CDC16: variants seen among roughly 807,000 people sequenced by gnomAD.
CDC16 encodes the protein cell division cycle 16.
CDC16 carries 34 observed loss-of-function variants against 87.0 expected under a neutral mutation model. The ratio of observed to expected loss-of-function variants is 0.39; its 90% CI spans 0.30 to 0.52. The LOEUF (loss-of-function observed/expected upper bound fraction) is 0.52. Among genes scored for constraint, CDC16 ranks in the 20% least tolerant of loss-of-function variants. The probability of loss-of-function intolerance (pLI) is 0.74; values close to 1 mark genes in which losing one functional copy is unlikely to be tolerated. For missense variants in CDC16, 653 were observed against 751.9 expected (o/e 0.87, Z 1.54); for synonymous variants, 263 against 260.6 (o/e 1.01, Z -0.09).
At chr13:114,262,312 A>G (rs893209846) in intron 15 of CDC16, among the ~76,000 whole-genome samples, 1 of 152,204 alleles carries the variant, frequency 6.6e-6, no homozygotes, top group African/African-American at 2.4e-5. Flanking sequence ...TGTCTGGGCA[A>G]TTTTAGGTTA....
chr13:114,234,939 C>CCTGCGGCCTTCGAGT lies in CDC16; in HGVS notation c.-144_-130dup. On this transcript the variant is annotated 5_prime_UTR_variant, in exon 1 of 18. Coordinates refer to ENST00000356221, the MANE Select transcript of CDC16 (RefSeq NM_001078645.3). ...TGGGGGGTGCGGGTGTGGGTGGGGA[C>CCTGCGGCCTTCGAGT]CTGCGGCCTTCGAGTCCGCGGCCTT... The CCTGCGGCCTTCGAGT allele has an allele frequency of 2.1e-6, 1 of 471,354 alleles. No individual in the cohort carries two copies. Among genetic ancestry groups the CCTGCGGCCTTCGAGT allele is most frequent in the Non-Finnish European group, 3.4e-6 (1 of 294,214 alleles). The allele number at this position is 471,354 out of a possible 1,614,324, so 29.2% of individuals were successfully genotyped here.
rs1353591166 is a variant in CDC16 at position 114,234,914 on chromosome 13, TG to T, written c.-165del. The T allele has an allele frequency of 9.6e-6, 3 of 311,184 alleles. No individual in the cohort carries two copies. Among genetic ancestry groups the T allele is most frequent in the African/African-American group, 8.1e-5 (2 of 24,718 alleles). 19.3% of individuals were successfully genotyped at this position (311,184 alleles called of 1,614,324 possible). Reference sequence around the variant, plus strand: ...GCCTGGGCAGTGCACGGGGCCTGGGTGGGGGGTGCGGGTGTGGGTGGGGACC... The same window carrying T: ...GCCTGGGCAGTGCACGGGGCCTGGGTGGGGGTGCGGGTGTGGGTGGGGACC... On this transcript the variant is annotated 5_prime_UTR_variant, in exon 1 of 18. Coordinates refer to ENST00000356221, the MANE Select transcript of CDC16 (RefSeq NM_001078645.3).
In CDC16 at chr13:114,235,569, A is replaced by G. The variant is rs556076405; in HGVS notation, c.48+437A>G. Among the ~76,000 whole-genome samples, 3 of 152,374 alleles carry G rather than the reference A, an allele frequency of 2.0e-5. No homozygotes were observed. In the East Asian group the frequency reaches 5.8e-4, roughly 29 times the overall value. On this transcript the variant is annotated intron_variant, in intron 1 of 17. Coordinates refer to ENST00000356221, the MANE Select transcript of CDC16 (RefSeq NM_001078645.3). ...AAGAAGCCTGTTGTCTCAAATCAAT[A>G]CTTTAAAAATTCTCGTTAACTATGT...
chr13:114,259,100 A>C (rs909072172), intron 13 of CDC16, among the ~76,000 whole-genome samples: 1 of 148,978 alleles, frequency 6.7e-6, no homozygotes, highest in Admixed American at 6.6e-5. Flanking sequence ...CTCTTAAAAA[A>C]AAAAAAAAAA....
chr13:114,240,067 A>C (rs1318335028), intron 5 of CDC16, among the ~76,000 whole-genome samples: 1 of 152,124 alleles, frequency 6.6e-6, no homozygotes, highest in Non-Finnish European at 1.5e-5. Context: ...CAGTTCCCCC[A>C]TTTAAACTGT....
chr13:114,265,056 C>T (rs2083112518), intron 16 of CDC16, 94 bp from the exon 17 acceptor site: 2 of 925,006 alleles, frequency 2.2e-6, no homozygotes, highest in Non-Finnish European at 3.6e-6. Context: ...ACTTCCCCCA[C>T]CCTGGATGCC....
chr13:114,272,138 G>A (rs2274638), intron 17 of CDC16, 46 bp from the exon 18 acceptor site: 390,641 of 1,080,874 alleles, frequency 0.36, 78,991 homozygotes, highest in African/African-American at 0.75. Context: ...GAAATGATAA[G>A]TGATGGAATT....
chr13:114,265,249 A>G lies in CDC16; in HGVS notation c.1603+9A>G, dbSNP rs1483938324. ...TTCTGAAGCTTATATTGGTAAGATA[A>G]TCGTTATTCTTATTGGTATTGTACT... On this transcript the variant is annotated intron_variant, in intron 17 of 17. Coordinates refer to ENST00000356221, the MANE Select transcript of CDC16 (RefSeq NM_001078645.3). 7 of 1,533,626 alleles carry G rather than the reference A, an allele frequency of 4.6e-6. No individual in the cohort carries two copies. Among genetic ancestry groups the G allele is most frequent in the Admixed American group, 3.3e-5 (2 of 59,880 alleles).
rs746050870 is a variant in CDC16, at chr13:114,242,145, C to T, written c.406C>T (p.Arg136Cys). The T allele has an allele frequency of 3.7e-6, 6 of 1,611,074 alleles. No individual in the cohort carries two copies. Among genetic ancestry groups the T allele is most frequent in the South Asian group, 1.1e-5 (1 of 90,162 alleles). Residue 136 changes from arginine (R) to cysteine (C), a missense_variant, in exon 6 of 18, where the codon CGC (arginine) becomes TGC (cysteine). Transcript: ENST00000356221. ...GATAAAGAGTTCTATCTGTCTTCTA[C>T]GCGGGAAAATCTATGATGCTCTAGA... is the stretch of plus-strand genomic sequence containing the variant. ...SSIKSSICLL[R>C]GKIYDALDNR...
intron 12 of CDC16, among the ~76,000 whole-genome samples, chr13:114,251,230 T>C (rs1028123147): frequency 6.6e-6 from 1 of 151,970 alleles, no homozygotes; most frequent in African/African-American, 2.4e-5. Context: ...CCTGGAGAGG[T>C]AGTGGGAGTG....
chr13:114,257,053 T>G (rs746597326), intron 12 of CDC16, 25 bp from the exon 13 acceptor site: 1 of 1,480,958 alleles, frequency 6.8e-7, no homozygotes, highest in Non-Finnish European at 9.2e-7. Flanking sequence ...TGGTGTTGAA[T>G]ATGTGAAATT....
intron 10 of CDC16, among the ~76,000 whole-genome samples, 171 bp downstream of exon 10, chr13:114,246,220 C>T (rs1206884156): frequency 6.6e-6 from 1 of 152,184 alleles, no homozygotes; most frequent in Admixed American, 6.5e-5. Context: ...ATTAACTTTT[C>T]AACCCATGAA....
chr13:114,253,528 A>G (rs2082314115), intron 12 of CDC16, among the ~76,000 whole-genome samples: 1 of 151,996 alleles, frequency 6.6e-6, no homozygotes, highest in Non-Finnish European at 1.5e-5. Context: ...CATCTCTACT[A>G]AAAATACAAA....
intron 8 of CDC16, 23 bp downstream of exon 8, chr13:114,244,012 C>T: frequency 6.3e-7 from 1 of 1,579,876 alleles, no homozygotes; most frequent in Non-Finnish European, 8.7e-7. Context: ...ATCCATTTTT[C>T]TGTAGGAACA....
In CDC16 at chr13:114,234,987, G is replaced by GGCTGCA; in HGVS notation, c.-96_-91dup. On this transcript the variant is annotated 5_prime_UTR_variant, in exon 1 of 18. Coordinates refer to ENST00000356221, the MANE Select transcript of CDC16 (RefSeq NM_001078645.3). ...CTTCGAGTCCTGGGGCGGCGGCGGC[G>GGCTGCA]GCTGCAGGCACGGGCACGGGCACGG... 1.0e-6 allele frequency: 1 copy of GGCTGCA among 998,050 alleles called. No individual in the cohort carries two copies. Among genetic ancestry groups the GGCTGCA allele is most frequent in the Non-Finnish European group, 1.3e-6 (1 of 773,634 alleles). The allele number at this position is 998,050 out of a possible 1,614,324, so 61.8% of individuals were successfully genotyped here.
Position 114,272,522 on chromosome 13 carries a change from C to G in CDC16, c.*79C>G. The stretch of plus-strand genomic sequence containing the variant: ...CATCCTCTCCATGGCTTAAGAATGT[C>G]CCACTTCCTAACGTGACTCCAAACT... On this transcript the variant is annotated 3_prime_UTR_variant, in exon 18 of 18. Coordinates refer to ENST00000356221, the MANE Select transcript of CDC16 (RefSeq NM_001078645.3). The G allele has an allele frequency of 7.7e-7, 1 of 1,295,038 alleles. No homozygotes were observed. Among genetic ancestry groups the G allele is most frequent in the Admixed American group, 2.2e-5 (1 of 45,300 alleles). The allele number at this position is 1,295,038 out of a possible 1,614,324, so 80.2% of individuals were successfully genotyped here. A position where few individuals can be genotyped will look rare whatever the true frequency, so the allele number is the denominator to read the frequency against.
At chr13:114,255,417 C>T (rs1237922463) in intron 12 of CDC16, among the ~76,000 whole-genome samples, 3 of 152,106 alleles carry the variant, frequency 2.0e-5, no homozygotes, top group Admixed American at 6.5e-5. Context: ...CCTTACATTT[C>T]TGTATATGAT....
In CDC16 at chr13:114,253,901, C is replaced by T. The variant is rs180745040; in HGVS notation, c.1098-3177C>T. Among the ~76,000 whole-genome samples, 706 of 152,184 alleles carry T rather than the reference C, an allele frequency of 4.6e-3. 5 individuals carry two copies. The highest frequency in any genetic ancestry group is 0.016 in the African/African-American group (651 of 41,528). ...TATTGCAAGTGAGGTATTAAAGTCT[C>T]CAGATTTTATTGTTGAATTGTGTAT... On this transcript the variant is annotated intron_variant, in intron 12 of 17. Coordinates refer to ENST00000356221, the MANE Select transcript of CDC16 (RefSeq NM_001078645.3).
chr13:114,272,210 T>C lies in CDC16; in HGVS notation c.1630T>C (p.Cys544Arg). Residue 544 changes from cysteine to arginine, a missense_variant, in exon 18 of 18, where the codon TGT becomes CGT. Coordinates refer to ENST00000356221, the MANE Select transcript of CDC16 (RefSeq NM_001078645.3). ...IGADIKDKLK[C>R]YDFDVHTMKT... is the part of the protein sequence containing the mutation. ...AGCAGACATTAAAGACAAATTAAAA[T>C]GTTATGACTTTGATGTGCATACAAT... is the stretch of plus-strand genomic sequence containing the variant. 1.9e-6 allele frequency: 3 copies of C among 1,558,390 alleles called. No homozygotes were observed. Among genetic ancestry groups the C allele is most frequent in the Non-Finnish European group, 2.6e-6 (3 of 1,142,564 alleles).
Sources: gnomAD v4.1 joint callset for allele counts (sites outside exome capture counted in the v4.1 genomes callset) on GRCh38, gnomAD v4.1.1 for gene constraint, MANE v1.5 for transcripts, NCBI Gene and HGNC (gene_info 2026-07-23, HGNC 2026-07-21) for gene names.